PCNX4: variants seen among roughly 807,000 people sequenced by gnomAD.
The protein encoded by PCNX4 is pecanex 4.
PCNX4 carries 103 observed loss-of-function variants against 107.2 expected under a neutral mutation model. That is an observed-to-expected ratio of 0.96 (90% CI 0.82 to 1.13). PCNX4 has a LOEUF of 1.13. Among genes scored for constraint, PCNX4 ranks in the 50% most tolerant of loss-of-function variants. The pLI, the probability that PCNX4 is intolerant of heterozygous loss-of-function variation, is 0.00. For synonymous variants in PCNX4, 541 were observed against 481.7 expected, an observed-to-expected ratio of 1.12 and a Z score of -1.61; for missense variants, 1,528 against 1,379.4, an observed-to-expected ratio of 1.11 and a Z score of -1.71.
Position 60,121,277 on chromosome 14 carries a change from C to T in PCNX4, c.2024C>T (p.Thr675Ile), listed in dbSNP as rs2140557343. 1 of 1,549,238 alleles carries T rather than the reference C, an allele frequency of 6.5e-7. No individual in the cohort carries two copies. The highest frequency in any genetic ancestry group is 1.4e-5 in the African/African-American group (1 of 71,934). Residue 675 changes from threonine to isoleucine, a missense_variant, in exon 8 of 11, where the codon ACT becomes ATT. Physicochemically the swap from Thr to Ile is moderately conservative, Grantham distance 89. Transcript: ENST00000406854. ...ATAATGATTCTGGAATGTGGCTATA[C>T]TTACTGCTCTATTAACATTAAGGTC... ...MWIMILECGY[T>I]YCSINIKGLE...
intron 10 of PCNX4, among the ~76,000 whole-genome samples, chr14:60,130,782 AAG>A (rs1896140002): frequency 1.3e-5 from 2 of 151,798 alleles, no homozygotes; most frequent in South Asian, 4.1e-4. Context: ...TACAGGAAGA[AAG>A]AGAAATAGCA....
rs763033029 is a variant in PCNX4, at chr14:60,115,772, C to T, written c.1411C>T (p.Leu471Phe). 1.9e-6 allele frequency: 3 copies of T among 1,613,382 alleles called. No individual in the cohort carries two copies. The highest frequency in any genetic ancestry group is 2.2e-5 in the South Asian group (2 of 91,062). Residue 471 changes from leucine to phenylalanine, a missense_variant, in exon 5 of 11, where the codon CTC becomes TTC. Physicochemically the swap from Leu to Phe is conservative, Grantham distance 22. Coordinates refer to ENST00000406854, the MANE Select transcript of PCNX4 (RefSeq NM_001330177.2). ...FLSLDSSLQG[L>F]HSVSVCIGFT... is the part of the protein sequence containing the mutation. ...TTCATTGGACAGTTCCTTACAAGGG[C>T]TCCACTCAGTGTCTGTCTGTATTGG... is the stretch of plus-strand genomic sequence containing the variant.
At chr14:60,133,063 C>T (rs2140570161) in intron 10 of PCNX4, among the ~76,000 whole-genome samples, 1 of 152,266 alleles carries the variant, frequency 6.6e-6, no homozygotes, top group South Asian at 2.1e-4. Flanking sequence ...ATAGAGTTGA[C>T]ATGTGACCTA....
At chr14:60,126,453 A>T (rs556518774) in intron 10 of PCNX4, among the ~76,000 whole-genome samples, 1 of 152,284 alleles carries the variant, frequency 6.6e-6, no homozygotes, top group African/African-American at 2.4e-5. Flanking sequence ...TTAAGTAACC[A>T]TTTAAAGTCT....
rs59854258 is a variant in PCNX4 at position 60,135,338 on chromosome 14, G to A, written c.*1117G>A. On this transcript the variant is annotated 3_prime_UTR_variant, in exon 11 of 11. Transcript: ENST00000406854. ...ACAATGTTAAAGGATAAACTTTTTG[G>A]ACCAATTTTCAGTTAATGAATTCAA... The A allele has an allele frequency of 2.9e-3, 442 of 152,170 alleles. 3 individuals carry two copies. The highest frequency in any genetic ancestry group is 0.01 in the African/African-American group (424 of 41,516). The allele number at this position is 152,170 out of a possible 1,614,324, so 9.4% of individuals were successfully genotyped here.
At position 60,146,727 on chromosome 14, in the gene PCNX4, T is replaced by C. The variant is rs1331002278; in HGVS notation, c.*12506T>C. The C allele has an allele frequency of 6.6e-6, 1 of 152,144 alleles. No individual in the cohort carries two copies. Among genetic ancestry groups the C allele is most frequent in the African/African-American group, 2.4e-5 (1 of 41,416 alleles). 9.4% of individuals were successfully genotyped at this position (152,144 alleles called of 1,614,324 possible). On this transcript the variant is annotated 3_prime_UTR_variant, in exon 11 of 11. Transcript: ENST00000406854. The surrounding 1 kb of genome is among the most constrained non-coding windows in gnomAD (Gnocchi z 4.9). Reference sequence around the variant, plus strand: ...TGGAATATTATTCCACAATGGAATATTTTTCAGCCATAAAACAATGGAACT... The same window carrying C: ...TGGAATATTATTCCACAATGGAATACTTTTCAGCCATAAAACAATGGAACT...
intron 1 of PCNX4, among the ~76,000 whole-genome samples, chr14:60,097,057 T>TAAATA (rs1566928578): frequency 6.6e-6 from 1 of 152,026 alleles, no homozygotes; most frequent in Non-Finnish European, 1.5e-5. Flanking sequence ...CAGTTTAAAT[T>TAAATA]CTGATTTTTC....
rs943454163 is a variant in PCNX4, at chr14:60,135,411, T to A, written c.*1190T>A. The A allele has an allele frequency of 7.9e-5, 12 of 152,370 alleles. No homozygotes were observed. The highest frequency in any genetic ancestry group is 7.7e-4 in the East Asian group (4 of 5,188). 9.4% of individuals were successfully genotyped at this position (152,370 alleles called of 1,614,324 possible). On this transcript the variant is annotated 3_prime_UTR_variant, in exon 11 of 11. Coordinates refer to ENST00000406854, the MANE Select transcript of PCNX4 (RefSeq NM_001330177.2). ...TTTGGAGGTAATATAGTACAGTTAC[T>A]AAGATAGGATTTTGTATTACTCTGA...
At chr14:60,128,220 A>T (rs1234889194) in intron 10 of PCNX4, among the ~76,000 whole-genome samples, 6 of 152,222 alleles carry the variant, frequency 3.9e-5, no homozygotes, top group African/African-American at 1.4e-4. Flanking sequence ...ATTGTAAAAC[A>T]TTAATCCACA....
chr14:60,094,472 A>G (rs556489044), intron 1 of PCNX4, among the ~76,000 whole-genome samples: 1 of 152,294 alleles, frequency 6.6e-6, no homozygotes, highest in South Asian at 2.1e-4. Flanking sequence ...GCTGTGAGAA[A>G]CATCCTGCCT....
At chr14:60,110,181 G>A (rs1159088514) in intron 2 of PCNX4, 1 of 167,186 alleles carries the variant, frequency 6.0e-6, no homozygotes, top group Non-Finnish European at 1.5e-5. Flanking sequence ...GAATTGAAGT[G>A]GTTGGAGACA....
chr14:60,097,908 G>A (rs1272204173), intron 1 of PCNX4, among the ~76,000 whole-genome samples: 1 of 152,186 alleles, frequency 6.6e-6, no homozygotes, highest in Non-Finnish European at 1.5e-5. Flanking sequence ...CTGTCCCCTT[G>A]TCAGCAGGAA....
Position 60,124,973 on chromosome 14 carries a change from A to G in PCNX4, c.2802A>G (p.Pro934=). The stretch of plus-strand genomic sequence containing the variant: ...TGAAGGAGATGAGCTCGTTATTTCC[A>G]GAAGACTGGTACCAATTTGTTCTAA... ...SKMKEMSSLF[P]EDWYQFVLRQ... The change falls in exon 9 of 11, where the codon CCA becomes CCG. Residue 934 remains proline (P), a synonymous_variant. Transcript: ENST00000406854. 6.2e-7 allele frequency: 1 copy of G among 1,613,898 alleles called. No homozygotes were observed. The highest frequency in any genetic ancestry group is 8.5e-7 in the Non-Finnish European group (1 of 1,179,788).
In PCNX4 at chr14:60,134,252, C is replaced by G. The variant is rs1656511364; in HGVS notation, c.*31C>G. 1.9e-6 allele frequency: 3 copies of G among 1,601,386 alleles called. No homozygotes were observed. Among genetic ancestry groups the G allele is most frequent in the Non-Finnish European group, 1.7e-6 (2 of 1,172,300 alleles). On this transcript the variant is annotated 3_prime_UTR_variant, in exon 11 of 11. Transcript: ENST00000406854. ...ATTTTGACTGTAATGTCATCAAATG[C>G]AATGTTTTTATTTTTTCATCCTAAA...
chr14:60,102,065 TG>T (rs1349525209), intron 1 of PCNX4, among the ~76,000 whole-genome samples: 1 of 152,064 alleles, frequency 6.6e-6, no homozygotes, highest in Non-Finnish European at 1.5e-5. Context: ...TGCCAGAGAA[TG>T]GGGGGAGGGA....
chr14:60,117,441 A>G (rs573737367), intron 6 of PCNX4, among the ~76,000 whole-genome samples: 1 of 152,194 alleles, frequency 6.6e-6, no homozygotes, highest in Non-Finnish European at 1.5e-5. Flanking sequence ...TAGCCTAGGT[A>G]TGTAGTAGGC....
chr14:60,132,607 A>G (rs557916728), intron 10 of PCNX4, among the ~76,000 whole-genome samples: 11 of 152,308 alleles, frequency 7.2e-5, no homozygotes, highest in South Asian at 4.1e-4. Context: ...ATAGATAAAT[A>G]TGACTTCATC....
chr14:60,118,755 A>G, intron 7 of PCNX4, 63 bp downstream of exon 7: 1 of 1,453,638 alleles, frequency 6.9e-7, no homozygotes, highest in Non-Finnish European at 9.1e-7. Flanking sequence ...AAAAAATAAC[A>G]AACAGGAAAA....
Position 60,108,139 on chromosome 14 carries a change from T to TGGCA in PCNX4, c.503_506dup (p.Ser169ArgfsTer42), listed in dbSNP as rs752557348. ...TCCCAAATAGAATAACCTTGCTGTA[T>TGGCA]GGCAGTACAGGAGGCACTGCTCTAC... On this transcript the variant is annotated frameshift_variant, in exon 2 of 11. Transcript: ENST00000406854. LOFTEE classifies it high-confidence loss of function. 1.9e-6 allele frequency: 3 copies of TGGCA among 1,612,888 alleles called. No individual in the cohort carries two copies. The highest frequency in any genetic ancestry group is 2.5e-6 in the Non-Finnish European group (3 of 1,179,880).
Sources: allele counts gnomAD v4.1 joint callset (sites outside exome capture counted in the v4.1 genomes callset), GRCh38; gene constraint gnomAD v4.1.1; non-coding constraint Gnocchi (gnomAD v3.1); transcripts MANE v1.5; gene names NCBI Gene and HGNC (gene_info 2026-07-23, HGNC 2026-07-21).